The following FRMD5 variants were observed in gnomAD, a reference collection of about 807,000 sequenced individuals.
The protein encoded by FRMD5 is FERM domain containing 5.
FRMD5 carries 20 observed loss-of-function variants against 69.0 expected under a neutral mutation model. The observed-to-expected ratio is 0.29, with a 90% confidence interval of 0.20 to 0.42. The LOEUF (loss-of-function observed/expected upper bound fraction) is 0.42, where lower values mean the gene tolerates loss of function less well. FRMD5 is among the 10% of genes least tolerant of loss of function. The pLI is 1.00. For missense variants in FRMD5, 595 were observed against 708.6 expected (o/e 0.84, Z 1.82); for synonymous variants, 271 against 260.1 (o/e 1.04, Z -0.40).
At chr15:44,086,341 A>G (rs1156318330) in intron 1 of FRMD5, among the ~76,000 whole-genome samples, 4 of 152,224 alleles carry the variant, frequency 2.6e-5, no homozygotes, top group Admixed American at 2.6e-4. Context: ...TGGATAAACA[A>G]AATGTGGTAT....
intron 8 of FRMD5, among the ~76,000 whole-genome samples, chr15:43,890,099 C>T (rs1435377781): frequency 6.6e-6 from 1 of 152,172 alleles, no homozygotes; most frequent in Non-Finnish European, 1.5e-5. Context: ...CACGGTATTC[C>T]TTCCCTGTTT....
intron 1 of FRMD5, among the ~76,000 whole-genome samples, chr15:44,182,854 G>C (rs995184387): frequency 8.5e-5 from 13 of 152,230 alleles, no homozygotes; most frequent in South Asian, 6.2e-4. Context: ...AGAGTGCAGT[G>C]GCATGATCTC....
chr15:44,190,668 G>A (rs1401318053), intron 1 of FRMD5, among the ~76,000 whole-genome samples: 1 of 152,104 alleles, frequency 6.6e-6, no homozygotes, highest in Non-Finnish European at 1.5e-5. Flanking sequence ...CCCGGGAGAG[G>A]GGTCACACAG....
chr15:43,939,732 T>C (rs936388003), intron 1 of FRMD5, among the ~76,000 whole-genome samples: 3 of 152,082 alleles, frequency 2.0e-5, no homozygotes, highest in Non-Finnish European at 2.9e-5. Flanking sequence ...TAATGTTGGT[T>C]TGTTTTTTTG....
At chr15:44,121,488 A>G (rs1474237417) in intron 1 of FRMD5, among the ~76,000 whole-genome samples, 1 of 152,132 alleles carries the variant, frequency 6.6e-6, no homozygotes, top group Non-Finnish European at 1.5e-5. Context: ...TCCAATGATC[A>G]CTGGTCTAAA....
In FRMD5 at chr15:44,001,270, T is replaced by C. The variant is rs531863934; in HGVS notation, c.103-76961A>G. On this transcript the variant is annotated intron_variant, in intron 1 of 13. Transcript: ENST00000417257. ...ATCATGTTATTTGTTTTTCTGTTATTGAGTTGTATGAGTCTCATATATTTT... is the reference window on the plus strand; with the variant it reads ...ATCATGTTATTTGTTTTTCTGTTATCGAGTTGTATGAGTCTCATATATTTT... 2.6e-5 allele frequency among the ~76,000 whole-genome samples: 4 copies of C among 152,324 alleles called. No homozygotes were observed. The East Asian group carries it at 7.7e-4, about 29-fold the overall frequency.
intron 1 of FRMD5, among the ~76,000 whole-genome samples, chr15:44,094,906 C>T (rs1037789213): frequency 6.6e-6 from 1 of 152,064 alleles, no homozygotes; most frequent in Non-Finnish European, 1.5e-5. Context: ...AATGGCCTCT[C>T]TAGAAAGCTT....
At chr15:43,917,360 G>C (rs1018277622) in intron 4 of FRMD5, among the ~76,000 whole-genome samples, 1 of 152,004 alleles carries the variant, frequency 6.6e-6, no homozygotes, top group Non-Finnish European at 1.5e-5. Context: ...ATCATGAGTG[G>C]GGCAGGCTAG....
intron 1 of FRMD5, among the ~76,000 whole-genome samples, chr15:44,142,353 T>C (rs930007894): frequency 5.3e-5 from 8 of 152,176 alleles, no homozygotes; most frequent in African/African-American, 1.9e-4. Flanking sequence ...AGAAGTGAGA[T>C]AGAAGTGAGA....
chr15:44,135,817 C>CT (rs2077174608), intron 1 of FRMD5, among the ~76,000 whole-genome samples: 2 of 119,848 alleles, frequency 1.7e-5, no homozygotes, highest in Admixed American at 1.8e-4. Context: ...GAGTGAGACT[C>CT]TGTCTCAAAA....
chr15:44,017,106 A>T (rs1890997400), intron 1 of FRMD5, among the ~76,000 whole-genome samples: 1 of 152,016 alleles, frequency 6.6e-6, no homozygotes, highest in South Asian at 2.1e-4. Flanking sequence ...TGGGAGGCTG[A>T]GGCAGGCAGA....
intron 1 of FRMD5, among the ~76,000 whole-genome samples, chr15:44,070,016 G>C (rs912469415): frequency 3.9e-5 from 6 of 152,034 alleles, no homozygotes; most frequent in African/African-American, 1.4e-4. Flanking sequence ...AAGGAGATTT[G>C]GGAACACAAG....
chr15:43,890,810 A>G (rs1472875554), intron 8 of FRMD5, among the ~76,000 whole-genome samples: 1 of 152,186 alleles, frequency 6.6e-6, no homozygotes, highest in African/African-American at 2.4e-5. Context: ...CAGTTTCACC[A>G]GCACTCTGGC....
intron 1 of FRMD5, among the ~76,000 whole-genome samples, chr15:44,175,988 T>C (rs1040564053): frequency 6.6e-6 from 1 of 152,224 alleles, no homozygotes; most frequent in African/African-American, 2.4e-5. Flanking sequence ...TCAATACACT[T>C]CGTATCAAAA....
At chr15:43,996,445 CTG>C (rs1186066951) in intron 1 of FRMD5, among the ~76,000 whole-genome samples, 2 of 152,192 alleles carry the variant, frequency 1.3e-5, no homozygotes, top group African/African-American at 4.8e-5. Flanking sequence ...TAACGTAAAA[CTG>C]TCTTTCCTGC....
intron 1 of FRMD5, among the ~76,000 whole-genome samples, chr15:44,093,731 C>T (rs990815942): frequency 6.6e-6 from 1 of 151,816 alleles, no homozygotes; most frequent in Non-Finnish European, 1.5e-5. Context: ...CTCCACCATG[C>T]CCGGCTAATT....
At chr15:43,902,725 A>T (rs569689235) in intron 6 of FRMD5, among the ~76,000 whole-genome samples, 1 of 151,952 alleles carries the variant, frequency 6.6e-6, no homozygotes, top group East Asian at 1.9e-4. Flanking sequence ...GCTTAGCTAG[A>T]TATTGTGATT....
chr15:44,106,616 C>G (rs1054997620), intron 1 of FRMD5, among the ~76,000 whole-genome samples: 1 of 152,192 alleles, frequency 6.6e-6, no homozygotes, highest in Non-Finnish European at 1.5e-5. Context: ...ACTGACCCCT[C>G]CCCTATCACC....
chr15:44,141,304 G>A (rs1427287341), intron 1 of FRMD5, among the ~76,000 whole-genome samples: 2 of 152,060 alleles, frequency 1.3e-5, no homozygotes, highest in Non-Finnish European at 1.5e-5. Context: ...AGAATAAATA[G>A]CCAAGACAAT....
Sources: allele counts gnomAD v4.1 joint callset (sites outside exome capture counted in the v4.1 genomes callset), GRCh38; gene constraint gnomAD v4.1.1; transcripts MANE v1.5; gene names NCBI Gene and HGNC (gene_info 2026-07-23, HGNC 2026-07-21).